SF3B1: variants seen among roughly 807,000 people sequenced by gnomAD.
SF3B1 encodes the protein splicing factor 3b subunit 1.
SF3B1 carries 12 observed loss-of-function variants against 153.8 expected under a neutral mutation model. The ratio of observed to expected loss-of-function variants is 0.08; its 90% CI spans 0.05 to 0.13. The LOEUF (loss-of-function observed/expected upper bound fraction) is 0.13, where lower values mean the gene tolerates loss of function less well. Ranked by LOEUF, SF3B1 falls within the 10% of genes least tolerant of loss-of-function variation. SF3B1 has a pLI of 1.00. For missense variants in SF3B1, 513 were observed against 1,606.1 expected (o/e 0.32, Z 11.63); for synonymous variants, 498 against 525.2 (o/e 0.95, Z 0.71).
At chr2:197,423,130 T>C (rs572960528) in intron 2 of SF3B1, among the ~76,000 whole-genome samples, 281 of 152,224 alleles carry the variant, frequency 1.8e-3, no homozygotes, top group Non-Finnish European at 3.2e-3. Flanking sequence ...CTCAAGCCTG[T>C]AATCGCAGCA....
At chr2:197,423,410 C>T (rs1030089210) in intron 2 of SF3B1, among the ~76,000 whole-genome samples, 1 of 150,810 alleles carries the variant, frequency 6.6e-6, no homozygotes, top group Admixed American at 6.6e-5. Flanking sequence ...AATCCATTCA[C>T]ATTAAGATAC....
Position 197,402,111 on chromosome 2 carries a change from C to A in SF3B1, c.2097G>T (p.Gln699His). Residue 699 changes from glutamine to histidine, a missense_variant, in exon 15 of 25, where the codon CAG (glutamine) becomes CAT (histidine). Physicochemically the swap from Gln to His is conservative, Grantham distance 24. This residue lies in a region of SF3B1 where 50 missense variants were observed against 236.5 expected (regional missense o/e 0.21). Coordinates refer to ENST00000335508, the MANE Select transcript of SF3B1 (RefSeq NM_012433.4). The surrounding 1 kb of genome is among the most constrained non-coding windows in gnomAD (Gnocchi z 4.6). The part of the protein sequence containing the change: ...IIEHGLVDEQ[Q>H]KVRTISALAI... ...CCAAAGCACTGATGGTCCGAACTTTCTGCTGCTCATCCACAAGACCTACAA... is the reference window on the plus strand; with the variant it reads ...CCAAAGCACTGATGGTCCGAACTTTATGCTGCTCATCCACAAGACCTACAA... 6.2e-7 allele frequency: 1 copy of A among 1,604,434 alleles called. No individual in the cohort carries two copies. The highest frequency in any genetic ancestry group is 8.5e-7 in the Non-Finnish European group (1 of 1,174,490).
chr2:197,413,942 G>T (rs1374381265), intron 6 of SF3B1, among the ~76,000 whole-genome samples: 1 of 152,048 alleles, frequency 6.6e-6, no homozygotes, highest in African/African-American at 2.4e-5. Context: ...AAGTAGCTGG[G>T]ATTACAGGTG....
At position 197,408,272 on chromosome 2, in the gene SF3B1, C is replaced by G; in HGVS notation, c.1117+97G>C. ...AAATTTGTATATCTCCTTATTCTTA[C>G]TAGAAGTTGACATTAATAGTACACA... On this transcript the variant is annotated intron_variant, in intron 8 of 24. Coordinates refer to ENST00000335508, the MANE Select transcript of SF3B1 (RefSeq NM_012433.4). The G allele has an allele frequency of 2.3e-6, 3 of 1,323,186 alleles. No individual in the cohort carries two copies. The South Asian group carries it at 4.0e-5, about 18-fold the overall frequency. 82.0% of individuals were successfully genotyped at this position (1,323,186 alleles called of 1,614,324 possible).
chr2:197,397,521 C>G (rs955014524), intron 22 of SF3B1, among the ~76,000 whole-genome samples: 3 of 152,148 alleles, frequency 2.0e-5, no homozygotes, highest in African/African-American at 4.8e-5. Context: ...ACAGGCTGTG[C>G]GCAGTGGCTC....
At chr2:197,408,182 A>G in intron 8 of SF3B1, 63 bp from the exon 9 acceptor site, 2 of 1,452,286 alleles carry the variant, frequency 1.4e-6, no homozygotes, top group South Asian at 2.4e-5. Context: ...ACATACATTG[A>G]GATAAAAGAC....
rs147001614 is a variant in SF3B1 at position 197,405,181 on chromosome 2, T to C, written c.1438-4A>G. 33 of 1,605,184 alleles carry C rather than the reference T, an allele frequency of 2.1e-5. No homozygotes were observed. The highest frequency in any genetic ancestry group is 1.7e-4 in the Middle Eastern group (1 of 6,028). On this transcript the variant is annotated splice_region_variant and splice_polypyrimidine_tract_variant and intron_variant, in intron 10 of 24. Transcript: ENST00000335508. ...GTGTTGATTCATCAACATCAACCTA[T>C]AGTAAAAAGAAAAAAATGTTAAGGG... is the stretch of plus-strand genomic sequence containing the variant.
chr2:197,413,077 A>G (rs1489034466), intron 6 of SF3B1, among the ~76,000 whole-genome samples: 2 of 151,728 alleles, frequency 1.3e-5, no homozygotes, highest in East Asian at 3.9e-4. Flanking sequence ...TCTCAAACTT[A>G]GTACTGAATG....
At chr2:197,432,865 C>CA (rs559744132) in intron 1 of SF3B1, among the ~76,000 whole-genome samples, 67 of 147,762 alleles carry the variant, frequency 4.5e-4, no homozygotes, top group African/African-American at 1.1e-3. Flanking sequence ...GACCCTATCT[C>CA]AAAAAAAAAT....
At chr2:197,397,282 TCAAA>T (rs2084886777) in intron 22 of SF3B1, among the ~76,000 whole-genome samples, 1 of 152,134 alleles carries the variant, frequency 6.6e-6, no homozygotes, top group Non-Finnish European at 1.5e-5. Flanking sequence ...ACTCCTGGGC[TCAAA>T]CAATCCATAA....
chr2:197,418,990 A>C, intron 4 of SF3B1: 1 of 1,487,492 alleles, frequency 6.7e-7, no homozygotes, highest in Non-Finnish European at 9.2e-7. Flanking sequence ...ACACTTTGGA[A>C]AGATATTTAT....
rs570891001 is a variant in SF3B1 at position 197,422,420 on chromosome 2, G to T, written c.196-1287C>A. On this transcript the variant is annotated intron_variant, in intron 2 of 24. Coordinates refer to ENST00000335508, the MANE Select transcript of SF3B1 (RefSeq NM_012433.4). Reference sequence around the variant, plus strand: ...GGGGCTTGTCATGGGGTGGGGGTAGGGGGGAGGGATAGCATTGGGAGATAT... The same window carrying T: ...GGGGCTTGTCATGGGGTGGGGGTAGTGGGGAGGGATAGCATTGGGAGATAT... Among the ~76,000 whole-genome samples the T allele has an allele frequency of 7.8e-4, 118 of 152,072 alleles. 2 individuals are homozygous for T. Among genetic ancestry groups the T allele is most frequent in the South Asian group, 2.5e-3 (12 of 4,814 alleles).
At position 197,401,225 on chromosome 2, in the gene SF3B1, A is replaced by C. The variant is rs1366797547; in HGVS notation, c.2496+175T>G. ...TTCACAGTTAAGTATTAATCCTCGA[A>C]TCCAAAATCAAAATGGAAGTTAACT... On this transcript the variant is annotated intron_variant, in intron 17 of 24. Coordinates refer to ENST00000335508, the MANE Select transcript of SF3B1 (RefSeq NM_012433.4). The surrounding 1 kb of genome is among the most constrained non-coding windows in gnomAD (Gnocchi z 4.2). Among the ~76,000 whole-genome samples, 1 of 152,182 alleles carries C rather than the reference A, an allele frequency of 6.6e-6. No individual in the cohort carries two copies. The highest frequency in any genetic ancestry group is 1.5e-5 in the Non-Finnish European group (1 of 68,002).
intron 24 of SF3B1, among the ~76,000 whole-genome samples, chr2:197,392,710 A>G (rs2084825146): frequency 6.6e-6 from 1 of 152,040 alleles, no homozygotes; most frequent in South Asian, 2.1e-4. Flanking sequence ...ACTTAATTCA[A>G]TACACTACTT....
intron 6 of SF3B1, among the ~76,000 whole-genome samples, chr2:197,413,781 GTTTT>G (rs1170031021): frequency 6.6e-6 from 1 of 151,512 alleles, no homozygotes; most frequent in African/African-American, 2.4e-5. Context: ...CTCCCTAAAT[GTTTT>G]TTTGTTATTG....
chr2:197,411,210 A>G (rs192435037), intron 6 of SF3B1, among the ~76,000 whole-genome samples: 1 of 152,348 alleles, frequency 6.6e-6, no homozygotes, highest in East Asian at 1.9e-4. Flanking sequence ...ACAGAGAGTA[A>G]TAGTTGGACA....
intron 1 of SF3B1, among the ~76,000 whole-genome samples, chr2:197,425,602 C>CTCTA (rs1416919938): frequency 6.6e-6 from 1 of 152,042 alleles, no homozygotes; most frequent in Admixed American, 6.6e-5. Context: ...GGAGAAAGCC[C>CTCTA]TCTATAGTTC....
intron 12 of SF3B1, 88 bp from the exon 13 acceptor site, chr2:197,403,123 T>A: frequency 1.0e-6 from 1 of 972,000 alleles, no homozygotes; most frequent in Non-Finnish European, 1.6e-6. Flanking sequence ...CATAAGAAAT[T>A]TAGAATTATC....
Position 197,392,269 on chromosome 2 carries a change from T to C in SF3B1, c.*34A>G, listed in dbSNP as rs753184314. The C allele has an allele frequency of 1.0e-5, 9 of 862,414 alleles. No individual in the cohort carries two copies. The East Asian group carries it at 1.9e-4, about 19-fold the overall frequency. 53.4% of individuals were successfully genotyped at this position (862,414 alleles called of 1,614,324 possible). On this transcript the variant is annotated 3_prime_UTR_variant, in exon 25 of 25. Coordinates refer to ENST00000335508, the MANE Select transcript of SF3B1 (RefSeq NM_012433.4). ...ATCAAAGCAAGTTTAAGGTGTGAAG[T>C]AGCTGTGCATTAAACACAAAATAAA...
Sources: gnomAD v4.1 joint callset for allele counts (sites outside exome capture counted in the v4.1 genomes callset) on GRCh38, gnomAD v4.1.1 for gene constraint, gnomAD v4.1.1 regional missense constraint, Gnocchi (gnomAD v3.1) non-coding constraint, MANE v1.5 for transcripts, NCBI Gene and HGNC (gene_info 2026-07-23, HGNC 2026-07-21) for gene names.